CSTF3: variants seen among roughly 807,000 people sequenced by gnomAD.
CSTF3 encodes cleavage stimulation factor subunit 3, also known as CF-1 77 kDa subunit.
Under a neutral mutation model 105.8 loss-of-function variants are expected in CSTF3, and 29 were observed. That is an observed-to-expected ratio of 0.27 (90% CI 0.20 to 0.37). The LOEUF (loss-of-function observed/expected upper bound fraction) is 0.37, where lower values mean the gene tolerates loss of function less well. Ranked by LOEUF, CSTF3 falls within the 10% of genes least tolerant of loss-of-function variation. The pLI is 1.00. For synonymous variants in CSTF3, 252 were observed against 281.9 expected (o/e 0.89, Z 1.06); for missense variants, 357 against 879.3 (o/e 0.41, Z 7.51).
At chr11:33,140,707 T>C (rs1364258098) in intron 3 of CSTF3, among the ~76,000 whole-genome samples, 1 of 151,988 alleles carries the variant, frequency 6.6e-6, no homozygotes, top group Non-Finnish European at 1.5e-5. Flanking sequence ...CAGCAGAAAA[T>C]GTTATGTTGA....
chr11:33,157,304 G>A (rs186869529), intron 1 of CSTF3, among the ~76,000 whole-genome samples: 49 of 151,988 alleles, frequency 3.2e-4, no homozygotes, highest in African/African-American at 9.6e-4. Flanking sequence ...GCAGTGAGCC[G>A]AGACCGTGCC....
intron 18 of CSTF3, among the ~76,000 whole-genome samples, 168 bp from the exon 19 acceptor site, chr11:33,086,157 A>G (rs1323309423): frequency 6.6e-6 from 1 of 152,162 alleles, no homozygotes. Flanking sequence ...AGCAGTCTCA[A>G]TGCCGTGGCC....
intron 1 of CSTF3, among the ~76,000 whole-genome samples, chr11:33,150,919 T>C (rs1376001939): frequency 6.6e-6 from 1 of 152,210 alleles, no homozygotes; most frequent in Non-Finnish European, 1.5e-5. Flanking sequence ...TTATAATTTC[T>C]TTTTTAGTAC....
chr11:33,133,062 T>C (rs1855616884), intron 3 of CSTF3, among the ~76,000 whole-genome samples: 2 of 152,124 alleles, frequency 1.3e-5, no homozygotes, highest in Non-Finnish European at 2.9e-5. Context: ...GATTTTATAT[T>C]TGACAAAATC....
At chr11:33,115,677 T>G (rs1855424213) in intron 3 of CSTF3, among the ~76,000 whole-genome samples, 1 of 152,230 alleles carries the variant, frequency 6.6e-6, no homozygotes, top group South Asian at 2.1e-4. Context: ...TTTGGTTATA[T>G]TTTGGGAGGC....
At chr11:33,112,852 T>C (rs1855393408) in intron 3 of CSTF3, among the ~76,000 whole-genome samples, 1 of 152,218 alleles carries the variant, frequency 6.6e-6, no homozygotes, top group Non-Finnish European at 1.5e-5. Context: ...TTCTCAGAAC[T>C]TCCTGCCATT....
chr11:33,139,294 T>C (rs1459262957), intron 3 of CSTF3, among the ~76,000 whole-genome samples: 3 of 151,874 alleles, frequency 2.0e-5, no homozygotes, highest in Admixed American at 1.3e-4. Flanking sequence ...TAGCAGAATA[T>C]AAAGAAATGA....
At chr11:33,127,743 CTT>C (rs1349815407) in intron 3 of CSTF3, among the ~76,000 whole-genome samples, 1 of 152,132 alleles carries the variant, frequency 6.6e-6, no homozygotes, top group Non-Finnish European at 1.5e-5. Context: ...TGTGCTTTCG[CTT>C]TTCTCAATTT....
intron 3 of CSTF3, among the ~76,000 whole-genome samples, chr11:33,112,988 G>T (rs779636496): frequency 3.3e-5 from 5 of 151,818 alleles, no homozygotes; most frequent in Non-Finnish European, 7.4e-5. Flanking sequence ...TGGGTGGATT[G>T]CTTGAGGCCA....
intron 17 of CSTF3, 148 bp from the exon 18 acceptor site, chr11:33,087,289 TAAAG>T: frequency 1.3e-6 from 1 of 776,090 alleles, no homozygotes; most frequent in Non-Finnish European, 2.1e-6. Context: ...CTAATGATGG[TAAAG>T]ATTGTTACTC....
At chr11:33,096,182 G>A (rs1855221423) in intron 15 of CSTF3, 124 bp downstream of exon 15, 4 of 588,366 alleles carry the variant, frequency 6.8e-6, no homozygotes, top group Admixed American at 7.4e-5. Context: ...TATTTCTTGA[G>A]TGCCTAACAA....
intron 1 of CSTF3, among the ~76,000 whole-genome samples, chr11:33,144,309 T>C (rs1340818242): frequency 6.6e-6 from 1 of 152,182 alleles, no homozygotes; most frequent in African/African-American, 2.4e-5. Context: ...AAAAAAGACA[T>C]GTTGACTACT....
intron 13 of CSTF3, among the ~76,000 whole-genome samples, chr11:33,098,257 A>G (rs1235305767): frequency 6.6e-6 from 1 of 152,186 alleles, no homozygotes; most frequent in East Asian, 1.9e-4. Flanking sequence ...AGTGAGTTTC[A>G]GTCTAATTTC....
chr11:33,096,349 T>C lies in CSTF3; in HGVS notation c.1332A>G (p.Pro444=). ...AGTCAATATAGGCCAGGACATACTCTGGAATGTCTCCATATTTTTTTAGCC... is the reference window on the plus strand; with the variant it reads ...AGTCAATATAGGCCAGGACATACTCCGGAATGTCTCCATATTTTTTTAGCC... ...ELGLKKYGDI[P]EYVLAYIDYL... Residue 444 remains proline, a synonymous_variant, in exon 15 of 21, where the codon CCA becomes CCG. Transcript: ENST00000323959. 6.2e-7 allele frequency: 1 copy of C among 1,600,996 alleles called. No individual in the cohort carries two copies. The highest frequency in any genetic ancestry group is 8.5e-7 in the Non-Finnish European group (1 of 1,177,434).
chr11:33,140,147 A>G lies in CSTF3; in HGVS notation c.225+1520T>C, dbSNP rs552326061. Among the ~76,000 whole-genome samples, 94 of 152,148 alleles carry G rather than the reference A, an allele frequency of 6.2e-4. 1 individual carries two copies. The highest frequency in any genetic ancestry group is 2.3e-3 in the East Asian group (12 of 5,184). ...TCTGGTGCGTTTGAATTTAAGTCTA[A>G]TGTGTTTCTAAAGCCAGACTAGAAT... On this transcript the variant is annotated intron_variant, in intron 3 of 20. Coordinates refer to ENST00000323959, the MANE Select transcript of CSTF3 (RefSeq NM_001326.3).
chr11:33,104,411 AAG>A, intron 8 of CSTF3, among the ~76,000 whole-genome samples: 1 of 152,198 alleles, frequency 6.6e-6, no homozygotes, highest in Non-Finnish European at 1.5e-5. Flanking sequence ...CTAGATATGA[AAG>A]AGATTTGTGA....
intron 3 of CSTF3, among the ~76,000 whole-genome samples, chr11:33,135,790 C>T (rs759859228): frequency 3.3e-5 from 5 of 152,020 alleles, no homozygotes; most frequent in Non-Finnish European, 7.4e-5. Context: ...TGAAAAGTTG[C>T]AGAATATGAA....
intron 15 of CSTF3, among the ~76,000 whole-genome samples, chr11:33,094,070 T>C (rs957491986): frequency 6.6e-6 from 1 of 152,232 alleles, no homozygotes; most frequent in Admixed American, 6.5e-5. Context: ...TTGTGCAGCA[T>C]AGCTCTATAA....
chr11:33,092,170 T>C (rs968907122), intron 16 of CSTF3, 101 bp downstream of exon 16: 2 of 694,118 alleles, frequency 2.9e-6, no homozygotes, highest in African/African-American at 3.7e-5. Flanking sequence ...AGGAAATTTC[T>C]CTTGAAACTC....
Sources: allele counts gnomAD v4.1 joint callset (sites outside exome capture counted in the v4.1 genomes callset), GRCh38; gene constraint gnomAD v4.1.1; transcripts MANE v1.5; gene names NCBI Gene and HGNC (gene_info 2026-07-23, HGNC 2026-07-21).